TBP: variants seen among roughly 807,000 people sequenced by gnomAD.
TBP encodes the protein TATA-box binding protein.
Under a neutral mutation model 46.2 loss-of-function variants are expected in TBP, and 12 were observed. The ratio of observed to expected loss-of-function variants is 0.26; its 90% CI spans 0.17 to 0.42. The LOEUF (loss-of-function observed/expected upper bound fraction) is 0.42, where lower values mean the gene tolerates loss of function less well. Ranked by LOEUF, TBP falls within the 10% of genes least tolerant of loss-of-function variation. The probability of loss-of-function intolerance (pLI) is 1.00; values close to 1 mark genes in which losing one functional copy is unlikely to be tolerated. For synonymous variants in TBP, 157 were observed against 148.3 expected (o/e 1.06, Z -0.42); for missense variants, 229 against 403.1 (o/e 0.57, Z 3.70).
At chr6:170,555,466 C>T (rs1779002628) in intron 1 of TBP, among the ~76,000 whole-genome samples, 1 of 152,240 alleles carries the variant, frequency 6.6e-6, no homozygotes, top group Non-Finnish European at 1.5e-5. Context: ...GTCTCATCTG[C>T]TGCAGTGACC....
At chr6:170,571,305 C>A in intron 6 of TBP, 105 bp from the exon 7 acceptor site, 1 of 753,028 alleles carries the variant, frequency 1.3e-6, no homozygotes, top group Non-Finnish European at 2.2e-6. Context: ...TGTTTTACCT[C>A]TTGACTAGTT....
intron 5 of TBP, among the ~76,000 whole-genome samples, chr6:170,569,087 TAG>T (rs2115001771): frequency 6.6e-6 from 1 of 152,302 alleles, no homozygotes; most frequent in Non-Finnish European, 1.5e-5. Flanking sequence ...TGCTTGGGAT[TAG>T]AGGCGTGAGC....
chr6:170,570,120 T>G (rs1403379661), intron 6 of TBP, among the ~76,000 whole-genome samples: 1 of 146,036 alleles, frequency 6.8e-6, no homozygotes, highest in Non-Finnish European at 1.5e-5. Context: ...GGATCTTCTC[T>G]TTTAGTCAAC....
In TBP at chr6:170,566,956, A is replaced by C. The variant is rs779546062; in HGVS notation, c.624A>C (p.Arg208=). 6.8e-6 allele frequency: 11 copies of C among 1,613,724 alleles called. No homozygotes were observed. The highest frequency in any genetic ancestry group is 1.7e-5 in the Admixed American group (1 of 59,986). Residue 208 remains arginine, a synonymous_variant, in exon 5 of 8, where the codon CGA becomes CGC. Coordinates refer to ENST00000392092, the MANE Select transcript of TBP (RefSeq NM_003194.5). ...AAVIMRIREP[R]TTALIFSSGK... ...TAATCATGAGGATAAGAGAGCCACGAACCACGGCACTGATTTTCAGTTCTG... is the reference window on the plus strand; with the variant it reads ...TAATCATGAGGATAAGAGAGCCACGCACCACGGCACTGATTTTCAGTTCTG...
At position 170,561,958 on chromosome 6, in the gene TBP, ACAGCAG is replaced by A. The variant is rs752404282; in HGVS notation, c.276_281del (p.Gln94_Gln95del). 15,322 of 1,403,562 alleles carry A rather than the reference ACAGCAG, an allele frequency of 0.011. 259 individuals are homozygous for A. Among genetic ancestry groups the A allele is most frequent in the Admixed American group, 0.013 (731 of 56,456 alleles). The allele number at this position is 1,403,562 out of a possible 1,614,324, so 86.9% of individuals were successfully genotyped here. A position where few individuals can be genotyped will look rare whatever the true frequency, so the allele number is the denominator to read the frequency against. On this transcript the variant is annotated inframe_deletion, in exon 3 of 8. Transcript: ENST00000392092. ...AGCAGCAGCAGCAGCAGCAACAGCA[ACAGCAG>A]CAGCAGCAGCAGCAGCAGCAGCAGC...
chr6:170,564,399 T>A, intron 3 of TBP, 146 bp from the exon 4 acceptor site: 1 of 516,582 alleles, frequency 1.9e-6, no homozygotes, highest in Admixed American at 3.4e-5. Context: ...AACATGTGCA[T>A]GATACTTGTT....
At chr6:170,567,769 C>T (rs1779292005) in intron 5 of TBP, among the ~76,000 whole-genome samples, 1 of 152,110 alleles carries the variant, frequency 6.6e-6, no homozygotes, top group Non-Finnish European at 1.5e-5. Flanking sequence ...AAGGAATGCA[C>T]CCTTGTTATA....
rs750280284 is a variant in TBP at position 170,569,794 on chromosome 6, T to C, written c.845+15T>C. On this transcript the variant is annotated intron_variant, in intron 6 of 7. Transcript: ENST00000392092. The stretch of plus-strand genomic sequence containing the variant: ...CAATTTAGTAGGTAAGTCTGAAATG[T>C]ATTATGATTGTTATTGGCAACAGTT... 1.2e-6 allele frequency: 2 copies of C among 1,603,474 alleles called. No homozygotes were observed. Among genetic ancestry groups the C allele is most frequent in the South Asian group, 1.1e-5 (1 of 89,356 alleles).
At chr6:170,555,661 A>G (rs1360486614) in intron 1 of TBP, among the ~76,000 whole-genome samples, 3 of 152,152 alleles carry the variant, frequency 2.0e-5, no homozygotes, top group African/African-American at 7.2e-5. Flanking sequence ...ATTGGCTGTT[A>G]GTCTATATTG....
intron 5 of TBP, among the ~76,000 whole-genome samples, chr6:170,568,723 G>T (rs1274654231): frequency 2.0e-5 from 3 of 150,896 alleles, no homozygotes; most frequent in Admixed American, 2.0e-4. Flanking sequence ...AAAGTGTTGG[G>T]ATTACAGGTG....
At position 170,562,040 on chromosome 6, in the gene TBP, G is replaced by C. The variant is rs754217817; in HGVS notation, c.304G>C (p.Val102Leu). The change falls in exon 3 of 8, where the codon GTT (valine) becomes CTT (leucine). Residue 102 changes from valine to leucine, a missense_variant. Val to Leu is a conservative substitution (Grantham distance 32, BLOSUM62 1). Around this residue, in one of 4 missense-constraint regions of TBP, gnomAD observed 69 missense variants for 66.2 expected, o/e 1.04. Coordinates refer to ENST00000392092, the MANE Select transcript of TBP (RefSeq NM_003194.5). The part of the protein sequence containing the change: ...QQQQAVAAAA[V>L]QQSTSQQATQ... ...GCAACAGGCAGTGGCAGCTGCAGCCGTTCAGCAGTCAACGTCCCAGCAGGC... is the reference window on the plus strand; with the variant it reads ...GCAACAGGCAGTGGCAGCTGCAGCCCTTCAGCAGTCAACGTCCCAGCAGGC... 2.4e-5 allele frequency: 38 copies of C among 1,613,132 alleles called. No homozygotes were observed. Among genetic ancestry groups the C allele is most frequent in the Non-Finnish European group, 3.2e-5 (38 of 1,179,706 alleles).
chr6:170,570,709 T>A (rs1183880313), intron 6 of TBP, among the ~76,000 whole-genome samples: 1 of 152,138 alleles, frequency 6.6e-6, no homozygotes, highest in Non-Finnish European at 1.5e-5. Context: ...GGTGCATGCC[T>A]GTAATCCCAG....
intron 1 of TBP, 90 bp from the exon 2 acceptor site, chr6:170,556,792 T>C: frequency 2.7e-6 from 1 of 373,328 alleles, no homozygotes; most frequent in Non-Finnish European, 4.8e-6. Context: ...GTTTTCATGT[T>C]TGTGTTTTGT....
rs1779384062 is a variant in TBP at position 170,572,568 on chromosome 6, G to A, written c.*303G>A. 3.2e-6 allele frequency: 1 copy of A among 312,590 alleles called. No individual in the cohort carries two copies. Among genetic ancestry groups the A allele is most frequent in the Non-Finnish European group, 5.8e-6 (1 of 172,810 alleles). 19.4% of individuals were successfully genotyped at this position (312,590 alleles called of 1,614,324 possible). ...CACTGCTGTTGACAAGTTGGTTTGA[G>A]GGAGAAAACTTTAAGTGTTAAAGCC... On this transcript the variant is annotated 3_prime_UTR_variant, in exon 8 of 8. Transcript: ENST00000392092.
Position 170,571,393 on chromosome 6 carries a change from T to C in TBP, c.846-17T>C. 6.3e-7 allele frequency: 1 copy of C among 1,591,068 alleles called. No individual in the cohort carries two copies. Among genetic ancestry groups the C allele is most frequent in the Non-Finnish European group, 8.6e-7 (1 of 1,162,046 alleles). On this transcript the variant is annotated splice_polypyrimidine_tract_variant and intron_variant, in intron 6 of 7. Coordinates refer to ENST00000392092, the MANE Select transcript of TBP (RefSeq NM_003194.5). ...CAAAGCTCTTGATTTCTAAACTTTT[T>C]GCAATTTTCCTTCTAGTTATGAGCC...
rs752404282 is a variant in TBP, at chr6:170,561,958, A to ACAGCAGCAGCAG, written c.270_281dup (p.Gln92_Gln95dup). ...AGCAGCAGCAGCAGCAGCAACAGCA[A>ACAGCAGCAGCAG]CAGCAGCAGCAGCAGCAGCAGCAGC... On this transcript the variant is annotated inframe_insertion, in exon 3 of 8. Coordinates refer to ENST00000392092, the MANE Select transcript of TBP (RefSeq NM_003194.5). 819 of 1,405,152 alleles carry ACAGCAGCAGCAG rather than the reference A, an allele frequency of 5.8e-4. 2 individuals carry two copies. The highest frequency in any genetic ancestry group is 3.0e-3 in the South Asian group (255 of 86,344). The allele number at this position is 1,405,152 out of a possible 1,614,324, so 87.0% of individuals were successfully genotyped here.
intron 5 of TBP, among the ~76,000 whole-genome samples, chr6:170,569,207 A>G (rs1380977693): frequency 2.0e-5 from 3 of 152,250 alleles, no homozygotes; most frequent in South Asian, 4.1e-4. Context: ...GAGTCTTGGT[A>G]TAAAAGAGGA....
Sources: gnomAD v4.1 joint callset for allele counts (sites outside exome capture counted in the v4.1 genomes callset) on GRCh38, gnomAD v4.1.1 for gene constraint, gnomAD v4.1.1 regional missense constraint, MANE v1.5 for transcripts, NCBI Gene and HGNC (gene_info 2026-07-23, HGNC 2026-07-21) for gene names.